The following INSRR variants were observed in gnomAD, a reference collection of about 807,000 sequenced individuals.
The protein encoded by INSRR is insulin receptor-related protein.
INSRR carries 114 observed loss-of-function variants against 130.0 expected under a neutral mutation model. The ratio of observed to expected loss-of-function variants is 0.88; its 90% CI spans 0.75 to 1.02. The LOEUF (loss-of-function observed/expected upper bound fraction) is 1.02, where lower values mean the gene tolerates loss of function less well. Ranked by LOEUF, INSRR falls within the 50% of genes least tolerant of loss-of-function variation. The pLI, the probability that INSRR is intolerant of heterozygous loss-of-function variation, is 0.00. For missense variants in INSRR, 1,657 were observed against 1,735.2 expected (o/e 0.95, Z 0.80); for synonymous variants, 674 against 705.2 (o/e 0.96, Z 0.70).
At position 156,858,877 on chromosome 1, in the gene INSRR, T is replaced by C. The variant is rs566863925; in HGVS notation, c.-256A>G. ...TGAGATTGAGAGATGGGGACAGAGATGCAGACAGTGACAGGGAGAGTCTCG... is the reference window on the plus strand; with the variant it reads ...TGAGATTGAGAGATGGGGACAGAGACGCAGACAGTGACAGGGAGAGTCTCG... On this transcript the variant is annotated 5_prime_UTR_variant, in exon 1 of 22. Transcript: ENST00000368195. 2.9e-4 allele frequency: 152 copies of C among 523,110 alleles called. 2 individuals carry two copies. Among genetic ancestry groups the C allele is most frequent in the Admixed American group, 3.8e-4 (12 of 31,858 alleles). The allele number at this position is 523,110 out of a possible 1,614,324, so 32.4% of individuals were successfully genotyped here.
rs529632527 is a variant in INSRR, at chr1:156,846,909, G to A, written c.1572-152C>T. 2.1e-4 allele frequency: 135 copies of A among 648,226 alleles called. 1 individual carries two copies. The South Asian group carries it at 2.4e-3, about 12-fold the overall frequency. 40.2% of individuals were successfully genotyped at this position (648,226 alleles called of 1,614,324 possible). On this transcript the variant is annotated intron_variant, in intron 7 of 21. Coordinates refer to ENST00000368195, the MANE Select transcript of INSRR (RefSeq NM_014215.3). Reference sequence around the variant, plus strand: ...AGCCACCTGTTAGACCTTGGCAAGGGGGGGCGGAGGAGGGGAGGGACTGTG... The same window carrying A: ...AGCCACCTGTTAGACCTTGGCAAGGAGGGGCGGAGGAGGGGAGGGACTGTG...
chr1:156,855,356 G>A (rs895110124), intron 1 of INSRR, among the ~76,000 whole-genome samples: 8 of 152,044 alleles, frequency 5.3e-5, no homozygotes, highest in Non-Finnish European at 1.0e-4. Context: ...GGTGCCCGCC[G>A]CCATACCCAG....
intron 20 of INSRR, 38 bp from the exon 21 acceptor site, chr1:156,841,566 C>G (rs377055667): frequency 8.7e-6 from 14 of 1,613,388 alleles, no homozygotes; most frequent in African/African-American, 2.7e-5. Context: ...CAGCACCCTT[C>G]GTGCTACTCA....
At chr1:156,848,397 T>TA (rs1454887897) in intron 7 of INSRR, among the ~76,000 whole-genome samples, 2 of 152,226 alleles carry the variant, frequency 1.3e-5, no homozygotes, top group African/African-American at 4.8e-5. Context: ...TTTTGATTCC[T>TA]AACCGTGTTT....
rs1654739467 is a variant in INSRR at position 156,840,669 on chromosome 1, C to A, written c.*204G>T. 5.0e-6 allele frequency: 3 copies of A among 601,798 alleles called. No individual in the cohort carries two copies. Among genetic ancestry groups the A allele is most frequent in the African/African-American group, 1.9e-5 (1 of 53,918 alleles). The allele number at this position is 601,798 out of a possible 1,614,324, so 37.3% of individuals were successfully genotyped here. A position where few individuals can be genotyped will look rare whatever the true frequency, so the allele number is the denominator to read the frequency against. On this transcript the variant is annotated 3_prime_UTR_variant, in exon 22 of 22. Coordinates refer to ENST00000368195, the MANE Select transcript of INSRR (RefSeq NM_014215.3). ...TGGCTTTGACCCTGCTTGCTCTCCC[C>A]CGAGGGACTCAGAGTCTGAGAAACT...
intron 7 of INSRR, among the ~76,000 whole-genome samples, chr1:156,848,380 T>G (rs1003929693): frequency 2.6e-5 from 4 of 152,202 alleles, no homozygotes; most frequent in Non-Finnish European, 5.9e-5. Context: ...CCTCTAAGGA[T>G]ATCTCCTTTT....
chr1:156,844,811 AG>A lies in INSRR; in HGVS notation c.2469del (p.Trp824GlyfsTer133). The A allele has an allele frequency of 5.0e-6, 8 of 1,614,132 alleles. No homozygotes were observed. The highest frequency in any genetic ancestry group is 6.8e-6 in the Non-Finnish European group (8 of 1,180,016). On this transcript the variant is annotated frameshift_variant, in exon 13 of 22. Transcript: ENST00000368195. LOFTEE classifies it high-confidence loss of function. ...READGIPGKVAWEASSKNSVL... is the reference protein window; with the variant it reads ...READGIPGKVXWEASSKNSVL... The stretch of plus-strand genomic sequence containing the variant: ...ACACTGTTCTTGCTGGAGGCCTCCC[AG>A]GCCACCTTTCCTGGAATACCATCAG...
chr1:156,844,642 C>A lies in INSRR; in HGVS notation c.2575-18G>T. The A allele has an allele frequency of 3.1e-6, 5 of 1,613,902 alleles. No homozygotes were observed. The East Asian group carries it at 1.1e-4, about 36-fold the overall frequency. ...GTGGCCTCCTGAGAGTAACGCAGAACAGCTGGCTGGGAAGGCGATGTAGGC... is the reference window on the plus strand; with the variant it reads ...GTGGCCTCCTGAGAGTAACGCAGAAAAGCTGGCTGGGAAGGCGATGTAGGC... On this transcript the variant is annotated intron_variant, in intron 13 of 21. Coordinates refer to ENST00000368195, the MANE Select transcript of INSRR (RefSeq NM_014215.3).
chr1:156,848,285 C>A (rs1655080180), intron 7 of INSRR, among the ~76,000 whole-genome samples: 1 of 152,214 alleles, frequency 6.6e-6, no homozygotes, highest in Non-Finnish European at 1.5e-5. Context: ...CAGGTGGCCT[C>A]CATCTTCTAT....
chr1:156,852,494 A>G (rs146303663), intron 2 of INSRR, among the ~76,000 whole-genome samples: 251 of 152,254 alleles, frequency 1.6e-3, no homozygotes, highest in South Asian at 0.013. Flanking sequence ...TGTCTATCCT[A>G]TCTAGGCCTG....
chr1:156,851,293 T>G lies in INSRR; in HGVS notation c.1226A>C (p.Asp409Ala), dbSNP rs1655195547. Reference protein sequence around the residue: ...LKLIRGDAMVDGNYTLYVLDN... With the variant: ...LKLIRGDAMVAGNYTLYVLDN... ...TGGTCAGAGGCCTAACCCTTACCCA[T>G]CCACCATGGCGTCTCCCCGGATTAG... Residue 409 changes from aspartate to alanine, a missense_variant, in exon 5 of 22, where the codon GAT becomes GCT. Coordinates refer to ENST00000368195, the MANE Select transcript of INSRR (RefSeq NM_014215.3). 1 of 1,614,086 alleles carries G rather than the reference T, an allele frequency of 6.2e-7. No individual in the cohort carries two copies.
Position 156,843,449 on chromosome 1 carries a change from T to C in INSRR, c.2874A>G (p.Pro958=). The change falls in exon 16 of 22, where the codon CCA becomes CCG. Residue 958 remains proline (P), a synonymous_variant. Transcript: ENST00000368195. ...RNRTLYASVN[P]EYFSASDMYV... is the part of the protein sequence containing the mutation. ...TACTATCAGAGGCGCTGAAGTACTC[T>C]GGATTCACAGAAGCATACAGGGTTC... The C allele has an allele frequency of 3.1e-6, 5 of 1,614,194 alleles. No homozygotes were observed. The highest frequency in any genetic ancestry group is 4.2e-6 in the Non-Finnish European group (5 of 1,180,038).
In INSRR at chr1:156,851,937, C is replaced by G; in HGVS notation, c.892G>C (p.Gly298Arg). 4 of 1,604,030 alleles carry G rather than the reference C, an allele frequency of 2.5e-6. No homozygotes were observed. Among genetic ancestry groups the G allele is most frequent in the Non-Finnish European group, 3.4e-6 (4 of 1,172,452 alleles). Residue 298 changes from glycine to arginine, a missense_variant, in exon 3 of 22, where the codon GGC (glycine) becomes CGC (arginine). Physicochemically the swap from Gly to Arg is moderately radical, Grantham distance 125. Transcript: ENST00000368195. ...GAAGGGCACTGGGCCAGGCAACTGCCCTGGTGTATGCCGAAGGTGGAGGCA... is the reference window on the plus strand; with the variant it reads ...GAAGGGCACTGGGCCAGGCAACTGCGCTGGTGTATGCCGAAGGTGGAGGCA... ...GRASTFGIHQ[G>R]SCLAQCPSGF...
intron 5 of INSRR, 100 bp from the exon 6 acceptor site, chr1:156,849,560 C>T (rs182289809): frequency 6.2e-5 from 53 of 859,552 alleles, no homozygotes; most frequent in Non-Finnish European, 9.0e-5. Flanking sequence ...TTGCTGGGCC[C>T]GGGGAGAGGG....
Position 156,841,067 on chromosome 1 carries a change from G to T in INSRR, c.3700C>A (p.Arg1234Ser). Residue 1234 changes from arginine to serine, a missense_variant, in exon 22 of 22, where the codon CGC (arginine) becomes AGC (serine). Coordinates refer to ENST00000368195, the MANE Select transcript of INSRR (RefSeq NM_014215.3). ...LMSRCWQPNP[R>S]LRPSFTHILD... ...ATGTGTGTGAAAGATGGGCGCAGGC[G>T]TGGGTTCGGCTGCCAGCAGCGGCTC... The T allele has an allele frequency of 6.3e-7, 1 of 1,575,480 alleles. No individual in the cohort carries two copies. The highest frequency in any genetic ancestry group is 1.2e-5 in the South Asian group (1 of 86,632).
chr1:156,845,485 C>A, intron 10 of INSRR, 72 bp from the exon 11 acceptor site: 1 of 1,511,532 alleles, frequency 6.6e-7, no homozygotes, highest in Non-Finnish European at 8.8e-7. Context: ...CGCGTACCGC[C>A]TCCAAAAGCA....
chr1:156,844,679 C>T, intron 13 of INSRR, 28 bp downstream of exon 13: 2 of 1,613,992 alleles, frequency 1.2e-6, no homozygotes, highest in Non-Finnish European at 8.5e-7. Context: ...CAAAACGGGG[C>T]TGGGACGGGG....
chr1:156,842,747 A>G (rs1418002783), intron 17 of INSRR, among the ~76,000 whole-genome samples: 2 of 151,956 alleles, frequency 1.3e-5, no homozygotes, highest in African/African-American at 4.8e-5. Flanking sequence ...CCCAATCAGG[A>G]CTCTAATAAT....
At chr1:156,842,597 C>T in intron 17 of INSRR, 89 bp from the exon 18 acceptor site, 1 of 949,372 alleles carries the variant, frequency 1.1e-6, no homozygotes, top group Non-Finnish European at 1.7e-6. Flanking sequence ...CAGTCTGACT[C>T]AGACACCAAA....
Sources: gnomAD v4.1 joint callset for allele counts (sites outside exome capture counted in the v4.1 genomes callset) on GRCh38, gnomAD v4.1.1 for gene constraint, MANE v1.5 for transcripts, NCBI Gene and HGNC (gene_info 2026-07-23, HGNC 2026-07-21) for gene names.